EFR3A: variants seen among roughly 807,000 people sequenced by gnomAD.
The protein encoded by EFR3A is EFR3 homolog A.
Under a neutral mutation model 104.4 loss-of-function variants are expected in EFR3A, and 76 were observed. The ratio of observed to expected loss-of-function variants is 0.73; its 90% CI spans 0.60 to 0.88. The LOEUF is 0.88. Among genes scored for constraint, EFR3A ranks in the 40% least tolerant of loss-of-function variants. EFR3A has a pLI of 0.00. For missense variants in EFR3A, 985 were observed against 1,012.5 expected (o/e 0.97, Z 0.37); for synonymous variants, 330 against 330.0 (o/e 1.00, Z 0.00).
chr8:131,970,727 C>A, intron 10 of EFR3A, 84 bp downstream of exon 10: 1 of 1,300,126 alleles, frequency 7.7e-7, no homozygotes, highest in Non-Finnish European at 1.0e-6. Flanking sequence ...TATTATAGTA[C>A]ATTTGTCAAA....
rs1284893320 is a variant in EFR3A, at chr8:131,904,140, GC to G, written c.-170del. 104 of 708,770 alleles carry G rather than the reference GC, an allele frequency of 1.5e-4. No homozygotes were observed. The African/African-American group carries it at 1.7e-3, about 12-fold the overall frequency. 43.9% of individuals were successfully genotyped at this position (708,770 alleles called of 1,614,324 possible). A position where few individuals can be genotyped will look rare whatever the true frequency, so the allele number is the denominator to read the frequency against. ...GAGTGGGCTGGCGGCGGTAGCTGTCGCCCGCTTGGTTGCGTGACCGCGGGGT... is the reference window on the plus strand; with the variant it reads ...GAGTGGGCTGGCGGCGGTAGCTGTCGCCGCTTGGTTGCGTGACCGCGGGGT... On this transcript the variant is annotated 5_prime_UTR_variant, in exon 1 of 23. Transcript: ENST00000254624.
At chr8:131,910,644 C>G (rs1486670883) in intron 1 of EFR3A, among the ~76,000 whole-genome samples, 2 of 152,214 alleles carry the variant, frequency 1.3e-5, no homozygotes, top group African/African-American at 4.8e-5. Flanking sequence ...ACACACACCT[C>G]TGTAAAAGGA....
At position 131,904,257 on chromosome 8, in the gene EFR3A, C is replaced by G; in HGVS notation, c.-56C>G. On this transcript the variant is annotated 5_prime_UTR_variant, in exon 1 of 23. Coordinates refer to ENST00000254624, the MANE Select transcript of EFR3A (RefSeq NM_015137.6). ...AACGGCCGTCATGGTGCCGTCGGCG[C>G]TCCCTGCGCGGCCCCGCTGAGCCTC... The G allele has an allele frequency of 7.8e-7, 1 of 1,282,462 alleles. No individual in the cohort carries two copies. 79.4% of individuals were successfully genotyped at this position (1,282,462 alleles called of 1,614,324 possible).
intron 3 of EFR3A, among the ~76,000 whole-genome samples, chr8:131,945,662 A>T (rs551629102): frequency 6.6e-6 from 1 of 152,182 alleles, no homozygotes; most frequent in East Asian, 1.9e-4. Context: ...TTGATACATA[A>T]TATTTTACAT....
intron 1 of EFR3A, among the ~76,000 whole-genome samples, chr8:131,932,505 T>G (rs774542196): frequency 2.0e-4 from 30 of 152,140 alleles, no homozygotes; most frequent in Non-Finnish European, 3.4e-4. Context: ...AAGCTGTAAG[T>G]TCAGTTTCTT....
At chr8:131,942,761 A>C (rs1463219183) in intron 2 of EFR3A, among the ~76,000 whole-genome samples, 1 of 152,108 alleles carries the variant, frequency 6.6e-6, no homozygotes, top group Non-Finnish European at 1.5e-5. Flanking sequence ...GGAGGGTGCA[A>C]CACAGTATTG....
chr8:131,905,738 A>C (rs1460938977), intron 1 of EFR3A, among the ~76,000 whole-genome samples: 1 of 152,242 alleles, frequency 6.6e-6, no homozygotes, highest in Non-Finnish European at 1.5e-5. Flanking sequence ...TATTCAGTGA[A>C]TATCTGAGAC....
chr8:131,904,148 G>T lies in EFR3A; in HGVS notation c.-165G>T, dbSNP rs1328161921. 4 of 775,196 alleles carry T rather than the reference G, an allele frequency of 5.2e-6. No homozygotes were observed. Among genetic ancestry groups the T allele is most frequent in the African/African-American group, 1.8e-5 (1 of 55,160 alleles). 48.0% of individuals were successfully genotyped at this position (775,196 alleles called of 1,614,324 possible). A position where few individuals can be genotyped will look rare whatever the true frequency, so the allele number is the denominator to read the frequency against. ...TGGCGGCGGTAGCTGTCGCCCGCTTGGTTGCGTGACCGCGGGGTCCGCGTC... is the reference window on the plus strand; with the variant it reads ...TGGCGGCGGTAGCTGTCGCCCGCTTTGTTGCGTGACCGCGGGGTCCGCGTC... On this transcript the variant is annotated 5_prime_UTR_variant, in exon 1 of 23. Coordinates refer to ENST00000254624, the MANE Select transcript of EFR3A (RefSeq NM_015137.6).
At chr8:131,995,789 G>C (rs1019573328) in intron 18 of EFR3A, among the ~76,000 whole-genome samples, 1 of 152,176 alleles carries the variant, frequency 6.6e-6, no homozygotes, top group Non-Finnish European at 1.5e-5. Context: ...GAGCACTCAG[G>C]TAAAGACAAC....
intron 18 of EFR3A, among the ~76,000 whole-genome samples, chr8:131,993,762 T>C (rs1170804478): frequency 6.6e-6 from 1 of 151,318 alleles, no homozygotes; most frequent in Non-Finnish European, 1.5e-5. Context: ...ATTTAGCCAG[T>C]TGATTCCATG....
At chr8:131,985,174 T>A (rs1586652912) in intron 16 of EFR3A, 114 bp downstream of exon 16, 1 of 1,108,686 alleles carries the variant, frequency 9.0e-7, no homozygotes, top group Non-Finnish European at 1.3e-6. Flanking sequence ...GGTAATTCTA[T>A]AAAAATCTAC....
intron 14 of EFR3A, among the ~76,000 whole-genome samples, chr8:131,981,556 A>T (rs1246797420): frequency 2.0e-5 from 3 of 151,994 alleles, no homozygotes; most frequent in Admixed American, 6.6e-5. Context: ...ATGAGTAAAA[A>T]TGTTGTTTGA....
At chr8:131,988,034 T>C (rs1391109447) in intron 18 of EFR3A, among the ~76,000 whole-genome samples, 2 of 152,112 alleles carry the variant, frequency 1.3e-5, no homozygotes, top group African/African-American at 2.4e-5. Context: ...TGGAAATTGA[T>C]GAAAATTGTT....
chr8:131,994,760 GTCAAATAGA>G (rs1821391159), intron 18 of EFR3A, among the ~76,000 whole-genome samples: 1 of 152,126 alleles, frequency 6.6e-6, no homozygotes, highest in African/African-American at 2.4e-5. Context: ...TTTAGAACAT[GTCAAATAGA>G]ATTGATTAAT....
At position 132,003,305 on chromosome 8, in the gene EFR3A, A is replaced by T; in HGVS notation, c.2360+20A>T. 6.2e-7 allele frequency: 1 copy of T among 1,607,290 alleles called. No homozygotes were observed. Among genetic ancestry groups the T allele is most frequent in the Non-Finnish European group, 8.5e-7 (1 of 1,174,994 alleles). Reference sequence around the variant, plus strand: ...CATACGGTAAGGGTTTTGTTATCACAATAGCAATAACACACACACACGAAT... The same window carrying T: ...CATACGGTAAGGGTTTTGTTATCACTATAGCAATAACACACACACACGAAT... On this transcript the variant is annotated intron_variant, in intron 22 of 22. Transcript: ENST00000254624.
chr8:132,001,830 G>A, intron 20 of EFR3A, 23 bp downstream of exon 20: 3 of 1,596,460 alleles, frequency 1.9e-6, no homozygotes, highest in Non-Finnish European at 2.6e-6. Context: ...GCACTTGTTA[G>A]TACTACCAAT....
Position 131,946,580 on chromosome 8 carries a change from G to T in EFR3A, c.313G>T (p.Ala105Ser). 6.2e-7 allele frequency: 1 copy of T among 1,605,802 alleles called. No individual in the cohort carries two copies. Among genetic ancestry groups the T allele is most frequent in the Non-Finnish European group, 8.5e-7 (1 of 1,176,074 alleles). The change falls in exon 4 of 23, where the codon GCA becomes TCA. Residue 105 changes from alanine to serine, a missense_variant. By Grantham distance (99) the Ala-to-Ser change is moderately conservative. Transcript: ENST00000254624. ...PFVESFLHMV[A>S]KLLESGEPKL... ...TGTAGAAAGCTTTCTTCATATGGTG[G>T]CAAAGCTGCTGGAATCGGGGGAACC...
At chr8:131,995,036 A>G (rs1278214846) in intron 18 of EFR3A, among the ~76,000 whole-genome samples, 1 of 152,154 alleles carries the variant, frequency 6.6e-6, no homozygotes, top group African/African-American at 2.4e-5. Context: ...AATTGGAACT[A>G]TGTTTTTTCA....
At chr8:131,971,130 A>G (rs1361321176) in intron 10 of EFR3A, among the ~76,000 whole-genome samples, 3 of 152,228 alleles carry the variant, frequency 2.0e-5, no homozygotes, top group South Asian at 4.1e-4. Flanking sequence ...AAAATTGTCA[A>G]CATCACTAAA....
Sources: allele counts gnomAD v4.1 joint callset (sites outside exome capture counted in the v4.1 genomes callset), GRCh38; gene constraint gnomAD v4.1.1; transcripts MANE v1.5; gene names NCBI Gene and HGNC (gene_info 2026-07-23, HGNC 2026-07-21).